The following STRBP variants were observed in gnomAD, a reference collection of about 807,000 sequenced individuals.
STRBP encodes spermatid perinuclear RNA binding protein, also known as spermatid perinuclear RNA-binding protein.
STRBP carries 13 observed loss-of-function variants against 80.1 expected under a neutral mutation model. The observed-to-expected ratio is 0.16, with a 90% CI of 0.11 to 0.26. The LOEUF is 0.26. Ranked by LOEUF, STRBP falls within the 10% of genes least tolerant of loss-of-function variation. The pLI, the probability that STRBP is intolerant of heterozygous loss-of-function variation, is 1.00. For missense variants in STRBP, 485 were observed against 815.2 expected (o/e 0.59, Z 4.93); for synonymous variants, 284 against 291.2 (o/e 0.98, Z 0.25).
At chr9:123,233,463 C>G (rs535203723) in intron 2 of STRBP, among the ~76,000 whole-genome samples, 1 of 152,210 alleles carries the variant, frequency 6.6e-6, no homozygotes, top group East Asian at 1.9e-4. Context: ...TAGGGGTAAA[C>G]TGTAAGGATG....
chr9:123,258,548 A>G (rs2041085808), intron 1 of STRBP, among the ~76,000 whole-genome samples: 1 of 152,130 alleles, frequency 6.6e-6, no homozygotes, highest in Non-Finnish European at 1.5e-5. Context: ...TCACGCCTGT[A>G]ATCCCAGCAC....
intron 1 of STRBP, among the ~76,000 whole-genome samples, chr9:123,243,973 T>A (rs1209337683): frequency 6.6e-6 from 1 of 152,200 alleles, no homozygotes; most frequent in South Asian, 2.1e-4. Context: ...CACACACAAA[T>A]GTTTATAGCA....
intron 2 of STRBP, among the ~76,000 whole-genome samples, chr9:123,193,354 C>A (rs1473276642): frequency 6.6e-6 from 1 of 152,162 alleles, no homozygotes; most frequent in Non-Finnish European, 1.5e-5. Context: ...GTCACCATCT[C>A]TTCCCATTAT....
chr9:123,146,519 T>C (rs1025715916), intron 13 of STRBP, among the ~76,000 whole-genome samples: 1 of 150,166 alleles, frequency 6.7e-6, no homozygotes, highest in African/African-American at 2.5e-5. Flanking sequence ...ATTACATATA[T>C]ACTGTGAGCT....
At chr9:123,149,283 A>C (rs2036953622) in intron 11 of STRBP, among the ~76,000 whole-genome samples, 1 of 152,212 alleles carries the variant, frequency 6.6e-6, no homozygotes, top group South Asian at 2.1e-4. Flanking sequence ...TGTTCTCTTC[A>C]ACAGAAGGCA....
intron 1 of STRBP, among the ~76,000 whole-genome samples, chr9:123,257,605 G>A (rs913322142): frequency 6.6e-6 from 1 of 152,288 alleles, no homozygotes. Context: ...GCTTGAGCCC[G>A]GCAGTTCAAG....
intron 5 of STRBP, among the ~76,000 whole-genome samples, chr9:123,170,567 G>A (rs1420798761): frequency 6.6e-6 from 1 of 152,130 alleles, no homozygotes; most frequent in African/African-American, 2.4e-5. Context: ...TCACTGACCA[G>A]GAGGAAACAA....
intron 11 of STRBP, 58 bp from the exon 12 acceptor site, chr9:123,147,928 C>T (rs2036888356): frequency 1.4e-6 from 2 of 1,411,438 alleles, no homozygotes. Context: ...CTTACCGTAC[C>T]ATATGTATCT....
At chr9:123,206,630 CT>C (rs747668483) in intron 2 of STRBP, among the ~76,000 whole-genome samples, 1 of 151,162 alleles carries the variant, frequency 6.6e-6, no homozygotes, top group East Asian at 1.9e-4. Context: ...ATTTTTTTTT[CT>C]TTTTTTCTTT....
intron 2 of STRBP, among the ~76,000 whole-genome samples, chr9:123,210,570 C>A (rs994639185): frequency 6.6e-6 from 1 of 152,098 alleles, no homozygotes; most frequent in African/African-American, 2.4e-5. Context: ...CAGTGGCTCA[C>A]GCCTGTAATC....
In STRBP at chr9:123,203,104, A is replaced by G. The variant is rs1391176780; in HGVS notation, c.-164-18806T>C. On this transcript the variant is annotated intron_variant, in intron 2 of 18. Coordinates refer to ENST00000348403, the MANE Select transcript of STRBP (RefSeq NM_018387.5). ...CATGGTGACTCACACCTGTAATCCT[A>G]ATACTTTGGGAGGCTAAGATGGGAG... 2.0e-5 allele frequency among the ~76,000 whole-genome samples: 3 copies of G among 152,138 alleles called. No homozygotes were observed. The East Asian group carries it at 5.8e-4, about 29-fold the overall frequency.
chr9:123,114,527 G>C (rs960138292), intron 3 of STRBP: 2 of 167,122 alleles, frequency 1.2e-5, no homozygotes, highest in African/African-American at 4.8e-5. Flanking sequence ...CCAGCCCGGC[G>C]GAAACTCAGA....
At chr9:123,247,577 G>A (rs781244698) in intron 1 of STRBP, among the ~76,000 whole-genome samples, 6 of 152,058 alleles carry the variant, frequency 3.9e-5, no homozygotes, top group Non-Finnish European at 7.4e-5. Context: ...CCTCCTAGCT[G>A]TACTTTTAAC....
intron 2 of STRBP, among the ~76,000 whole-genome samples, chr9:123,189,698 T>C (rs578103590): frequency 5.4e-5 from 8 of 148,292 alleles, no homozygotes; most frequent in Non-Finnish European, 9.0e-5. Flanking sequence ...GGGCCTGTCG[T>C]GGGGTGGGGG....
chr9:123,262,952 C>T (rs917505235), intron 1 of STRBP, among the ~76,000 whole-genome samples: 8 of 152,196 alleles, frequency 5.3e-5, no homozygotes, highest in Admixed American at 3.9e-4. Context: ...GCCTTATTTA[C>T]TTTACTTCTA....
rs1452882372 is a variant in STRBP at position 123,237,930 on chromosome 9, G to A, written c.-301-964C>T. Among the ~76,000 whole-genome samples, 2 of 152,170 alleles carry A rather than the reference G, an allele frequency of 1.3e-5. 1 individual carries two copies. The highest frequency in any genetic ancestry group is 3.8e-4 in the East Asian group (2 of 5,202). On this transcript the variant is annotated intron_variant, in intron 1 of 18. Coordinates refer to ENST00000348403, the MANE Select transcript of STRBP (RefSeq NM_018387.5). ...TAAAGCATAGTAGATAAGAGAATAG[G>A]CCCTAAAGTCAGATTGCCTGGGTTC...
At chr9:123,200,010 A>C (rs2039255473) in intron 2 of STRBP, among the ~76,000 whole-genome samples, 1 of 152,204 alleles carries the variant, frequency 6.6e-6, no homozygotes, top group Non-Finnish European at 1.5e-5. Flanking sequence ...CGTTAGTCAT[A>C]GACGGCTTTT....
At chr9:123,246,835 T>C (rs188568079) in intron 1 of STRBP, among the ~76,000 whole-genome samples, 254 of 152,266 alleles carry the variant, frequency 1.7e-3, no homozygotes, top group African/African-American at 5.8e-3. Context: ...GTTTCAAAAG[T>C]GACTATAACC....
chr9:123,166,753 A>G (rs1253139337), intron 6 of STRBP, among the ~76,000 whole-genome samples: 1 of 48,976 alleles, frequency 2.0e-5, no homozygotes, highest in African/African-American at 3.5e-5. Flanking sequence ...GACTGTCTCC[A>G]GCAACAACAA....
Sources: allele counts gnomAD v4.1 joint callset (sites outside exome capture counted in the v4.1 genomes callset), GRCh38; gene constraint gnomAD v4.1.1; transcripts MANE v1.5; gene names NCBI Gene and HGNC (gene_info 2026-07-23, HGNC 2026-07-21).